The following RB1 variants were observed in gnomAD, a reference collection of about 807,000 sequenced individuals.
RB1 encodes the protein RB transcriptional corepressor 1.
RB1 carries 18 observed loss-of-function variants against 135.4 expected under a neutral mutation model. That is an observed-to-expected ratio of 0.13 (90% CI 0.09 to 0.20). The LOEUF is 0.20. Among genes scored for constraint, RB1 ranks in the 10% least tolerant of loss-of-function variants. RB1 has a pLI of 1.00. For missense variants in RB1, 868 were observed against 1,110.0 expected, an observed-to-expected ratio of 0.78 and a Z score of 3.10; for synonymous variants, 365 against 373.2, an observed-to-expected ratio of 0.98 and a Z score of 0.25.
intron 17 of RB1, among the ~76,000 whole-genome samples, chr13:48,395,879 G>A (rs1948644077): frequency 6.6e-6 from 1 of 151,910 alleles, no homozygotes; most frequent in Admixed American, 6.6e-5. Flanking sequence ...GAAATACAGG[G>A]AACACCACAA....
intron 12 of RB1, among the ~76,000 whole-genome samples, chr13:48,376,334 C>G (rs187981192): frequency 1.3e-5 from 2 of 152,120 alleles, no homozygotes; most frequent in East Asian, 3.9e-4. Flanking sequence ...AACCCCATCT[C>G]TACTAAAGAG....
intron 17 of RB1, among the ~76,000 whole-genome samples, chr13:48,385,371 A>G (rs1333273838): frequency 2.0e-5 from 3 of 152,186 alleles, no homozygotes; most frequent in African/African-American, 7.2e-5. Flanking sequence ...TTGGAATACA[A>G]AAAGTAACTG....
rs139809011 is a variant in RB1 at position 48,398,865 on chromosome 13, G to T, written c.1695+17422G>T. On this transcript the variant is annotated intron_variant, in intron 17 of 26. Transcript: ENST00000267163. ...GTATTTTTTATCCTGAGTAACAAGG[G>T]AAGTGTTTTGCCTAGGAGCTAATAA... Among the ~76,000 whole-genome samples, 923 of 152,162 alleles carry T rather than the reference G, an allele frequency of 6.1e-3. 12 individuals carry two copies. Among genetic ancestry groups the T allele is most frequent in the African/African-American group, 0.021 (882 of 41,544 alleles).
chr13:48,376,560 A>G (rs1952826699), intron 12 of RB1, among the ~76,000 whole-genome samples: 1 of 151,856 alleles, frequency 6.6e-6, no homozygotes, highest in South Asian at 2.1e-4. Context: ...GTTTTATTTC[A>G]TTTGCTTTTT....
At chr13:48,441,694 C>G (rs1050991345) in intron 17 of RB1, among the ~76,000 whole-genome samples, 2 of 151,928 alleles carry the variant, frequency 1.3e-5, no homozygotes, top group Non-Finnish European at 2.9e-5. Flanking sequence ...CAATTTTTAA[C>G]AAAAAAGTTT....
intron 23 of RB1, 87 bp downstream of exon 23, chr13:48,465,455 T>A (rs2138346633): frequency 7.6e-7 from 1 of 1,312,678 alleles, no homozygotes. Context: ...CATTCTTCAT[T>A]TCAAATAAGC....
chr13:48,452,992 G>A lies in RB1; in HGVS notation c.1696-1G>A, dbSNP rs794727199. On this transcript the variant is annotated splice_acceptor_variant, in intron 17 of 26. Coordinates refer to ENST00000267163, the MANE Select transcript of RB1 (RefSeq NM_000321.3). LOFTEE classifies it high-confidence loss of function. ...TTTTAATTTCATCATGTTTCATATA[G>A]GATTCACCTTTATTTGATCTTATTA... 1 of 1,612,138 alleles carries A rather than the reference G, an allele frequency of 6.2e-7. No individual in the cohort carries two copies. The highest frequency in any genetic ancestry group is 8.5e-7 in the Non-Finnish European group (1 of 1,179,422).
chr13:48,331,173 A>G (rs907753710), intron 2 of RB1, among the ~76,000 whole-genome samples: 3 of 152,246 alleles, frequency 2.0e-5, no homozygotes, highest in Non-Finnish European at 4.4e-5. Flanking sequence ...CACAGCTAGC[A>G]TTATACTCAG....
intron 5 of RB1, 61 bp from the exon 6 acceptor site, chr13:48,348,895 A>G (rs1952521641): frequency 6.4e-7 from 1 of 1,565,616 alleles, no homozygotes; most frequent in East Asian, 2.3e-5. Context: ...ATATATCTGG[A>G]AAACTTTCTT....
chr13:48,336,506 G>A (rs1299189244), intron 2 of RB1, among the ~76,000 whole-genome samples: 1 of 152,050 alleles, frequency 6.6e-6, no homozygotes, highest in Non-Finnish European at 1.5e-5. Context: ...ATGGTAGTTT[G>A]TATTTCTGTG....
At chr13:48,452,716 C>A (rs198574) in intron 17 of RB1, among the ~76,000 whole-genome samples, 2 of 152,070 alleles carry the variant, frequency 1.3e-5, no homozygotes, top group African/African-American at 4.8e-5. Context: ...CCACTTTCTT[C>A]GTTTTTTTTC....
chr13:48,412,998 G>T (rs1948844025), intron 17 of RB1: 1 of 168,600 alleles, frequency 5.9e-6, no homozygotes, highest in South Asian at 2.0e-4. Flanking sequence ...ATCCCAGATT[G>T]TGGGTAAGCA....
At position 48,310,903 on chromosome 13, in the gene RB1, AG is replaced by A. The variant is rs1952124364; in HGVS notation, c.264+3499del. Among the ~76,000 whole-genome samples, 6 of 152,244 alleles carry A rather than the reference AG, an allele frequency of 3.9e-5. No individual in the cohort carries two copies. The South Asian group carries it at 1.2e-3, about 32-fold the overall frequency. ...ATAATAAAGATTAGCTTTGTTCATA[AG>A]GTTAGATTGTATTTATGCTGATTAT... On this transcript the variant is annotated intron_variant, in intron 2 of 26. Transcript: ENST00000267163.
At chr13:48,440,155 T>TTAA (rs1949222984) in intron 17 of RB1, among the ~76,000 whole-genome samples, 1 of 152,156 alleles carries the variant, frequency 6.6e-6, no homozygotes, top group Non-Finnish European at 1.5e-5. Context: ...GCATGCATGT[T>TTAA]TAATAAAGCT....
intron 17 of RB1, among the ~76,000 whole-genome samples, chr13:48,400,305 G>C (rs1948680800): frequency 6.6e-6 from 1 of 152,096 alleles, no homozygotes; most frequent in Admixed American, 6.6e-5. Context: ...CTATGAAATA[G>C]ATTCTGTCAT....
intron 2 of RB1, chr13:48,318,539 C>T (rs971727064): frequency 6.4e-5 from 52 of 814,118 alleles, no homozygotes; most frequent in Non-Finnish European, 8.5e-5. Context: ...CTGCGCCCTC[C>T]CCTCCCGGGA....
At chr13:48,477,299 T>C (rs1949509926) in intron 25 of RB1, 56 bp from the exon 26 acceptor site, 2 of 1,309,146 alleles carry the variant, frequency 1.5e-6, no homozygotes, top group Non-Finnish European at 1.1e-6. Context: ...TACTGGAAAT[T>C]TGAGTTTTCC....
intron 18 of RB1, among the ~76,000 whole-genome samples, chr13:48,454,804 G>A (rs1949350223): frequency 1.3e-5 from 2 of 152,328 alleles, no homozygotes; most frequent in South Asian, 2.1e-4. Context: ...AGAACAAACA[G>A]CAAGTGCAGT....
chr13:48,408,531 T>A (rs1193340884), intron 17 of RB1: 2 of 152,096 alleles, frequency 1.3e-5, no homozygotes, highest in African/African-American at 2.4e-5. Flanking sequence ...TTTCAGGTAA[T>A]CAAAAGTAAA....
Sources: gnomAD v4.1 joint callset for allele counts (sites outside exome capture counted in the v4.1 genomes callset) on GRCh38, gnomAD v4.1.1 for gene constraint, MANE v1.5 for transcripts, NCBI Gene and HGNC (gene_info 2026-07-23, HGNC 2026-07-21) for gene names.